MACC1: variants seen among roughly 807,000 people sequenced by gnomAD.
MACC1 encodes the protein MET transcriptional regulator MACC1.
A neutral mutation model predicts 70.7 loss-of-function variants in MACC1; 79 were observed. That is an observed-to-expected ratio of 1.12 (90% CI 0.93 to 1.35). The LOEUF is 1.35. MACC1 is among the 40% of genes most tolerant of loss of function. The probability of loss-of-function intolerance (pLI) is 0.00; values close to 1 mark genes in which losing one functional copy is unlikely to be tolerated. For synonymous variants in MACC1, 361 were observed against 347.2 expected, an observed-to-expected ratio of 1.04 and a Z score of -0.44; for missense variants, 1,106 against 978.1, an observed-to-expected ratio of 1.13 and a Z score of -1.74.
chr7:20,177,540 GTTTCTC>G (rs956731125), intron 1 of MACC1, among the ~76,000 whole-genome samples: 1 of 151,818 alleles, frequency 6.6e-6, no homozygotes, highest in African/African-American at 2.4e-5. Flanking sequence ...TTTCTCTGGT[GTTTCTC>G]TTTATCCCTA....
At chr7:20,160,288 G>A in intron 4 of MACC1, 43 bp from the exon 5 acceptor site, 6 of 1,498,960 alleles carry the variant, frequency 4.0e-6, no homozygotes, top group Non-Finnish European at 4.4e-6. Flanking sequence ...AGATAAGGTG[G>A]CACTGTGAGT....
intron 2 of MACC1, among the ~76,000 whole-genome samples, chr7:20,166,512 T>G (rs1313469730): frequency 6.6e-6 from 1 of 152,186 alleles, no homozygotes; most frequent in African/African-American, 2.4e-5. Flanking sequence ...TTTAATAGTA[T>G]ACACCATACA....
chr7:20,148,977 T>C (rs1358587336), intron 6 of MACC1, among the ~76,000 whole-genome samples: 1 of 152,190 alleles, frequency 6.6e-6, no homozygotes, highest in East Asian at 1.9e-4. Flanking sequence ...AGGCTAGAAC[T>C]GAACCAGGCC....
At chr7:20,152,360 A>T (rs1386272986) in intron 6 of MACC1, among the ~76,000 whole-genome samples, 3 of 152,116 alleles carry the variant, frequency 2.0e-5, no homozygotes, top group African/African-American at 4.8e-5. Flanking sequence ...GAAATCAACT[A>T]CTTGAATTGT....
chr7:20,140,936 C>G lies in MACC1; in HGVS notation c.*10G>C, dbSNP rs753246850. ...CATTTTCCCTCCCATCAAAAACACA[C>G]GCTTTGTTTCTATACTTCCTCAGAA... On this transcript the variant is annotated 3_prime_UTR_variant, in exon 7 of 7. Transcript: ENST00000400331. The G allele has an allele frequency of 6.2e-7, 1 of 1,602,788 alleles. No individual in the cohort carries two copies. The highest frequency in any genetic ancestry group is 1.3e-5 in the African/African-American group (1 of 74,586).
At chr7:20,153,364 A>C (rs1448481052) in intron 6 of MACC1, 1 of 152,248 alleles carries the variant, frequency 6.6e-6, no homozygotes, top group Non-Finnish European at 1.5e-5. Context: ...AAAGTGAAGA[A>C]TACAGCTTCT....
rs1781761639 is a variant in MACC1 at position 20,139,188 on chromosome 7, A to C, written c.*1758T>G. On this transcript the variant is annotated 3_prime_UTR_variant, in exon 7 of 7. Transcript: ENST00000400331. ...AAATTCTAGCAGCCTTAATGGCCCT[A>C]ATGTGGCTTCTTCTTGCTCCATCCT... is the stretch of plus-strand genomic sequence containing the variant. 1.3e-5 allele frequency: 2 copies of C among 152,130 alleles called. No individual in the cohort carries two copies. The highest frequency in any genetic ancestry group is 4.8e-5 in the African/African-American group (2 of 41,418). 9.4% of individuals were successfully genotyped at this position (152,130 alleles called of 1,614,324 possible).
Position 20,138,087 on chromosome 7 carries a change from A to T in MACC1, c.*2859T>A, listed in dbSNP as rs989557576. 7.7e-6 allele frequency: 1 copy of T among 130,088 alleles called. No homozygotes were observed. The highest frequency in any genetic ancestry group is 2.8e-5 in the African/African-American group (1 of 35,420). The allele number at this position is 130,088 out of a possible 1,614,324, so 8.1% of individuals were successfully genotyped here. On this transcript the variant is annotated 3_prime_UTR_variant, in exon 7 of 7. Coordinates refer to ENST00000400331, the MANE Select transcript of MACC1 (RefSeq NM_182762.4). ...AGGATCTTTTGAACCCAGGAGGTGGAGGTTGCAGTGAGTCAAGATTGAAAC... is the reference window on the plus strand; with the variant it reads ...AGGATCTTTTGAACCCAGGAGGTGGTGGTTGCAGTGAGTCAAGATTGAAAC...
chr7:20,143,647 G>A (rs532075200), intron 6 of MACC1, among the ~76,000 whole-genome samples: 2 of 151,746 alleles, frequency 1.3e-5, no homozygotes, highest in Non-Finnish European at 1.5e-5. Flanking sequence ...CCTCGGACTC[G>A]CAAAGTGCTG....
chr7:20,138,785 G>A lies in MACC1; in HGVS notation c.*2161C>T, dbSNP rs898493083. The A allele has an allele frequency of 1.3e-5, 2 of 151,568 alleles. No homozygotes were observed. Among genetic ancestry groups the A allele is most frequent in the Non-Finnish European group, 2.9e-5 (2 of 67,960 alleles). The allele number at this position is 151,568 out of a possible 1,614,324, so 9.4% of individuals were successfully genotyped here. A position where few individuals can be genotyped will look rare whatever the true frequency, so the allele number is the denominator to read the frequency against. The stretch of plus-strand genomic sequence containing the variant: ...CCTCCCGGGTTCACGCCATTCTCCT[G>A]CCTCAGCCTCCTGAGTAGCTGGGAC... On this transcript the variant is annotated 3_prime_UTR_variant, in exon 7 of 7. Transcript: ENST00000400331.
chr7:20,146,109 C>A (rs1274262432), intron 6 of MACC1, among the ~76,000 whole-genome samples: 6 of 137,796 alleles, frequency 4.4e-5, no homozygotes, highest in African/African-American at 1.7e-4. Context: ...TGCAGTGAGG[C>A]AAGATCATGC....
chr7:20,182,159 G>A (rs1208481559), intron 1 of MACC1, among the ~76,000 whole-genome samples: 1 of 144,632 alleles, frequency 6.9e-6, no homozygotes, highest in Non-Finnish European at 1.5e-5. Context: ...CATGGACACA[G>A]GAAGGGGAAC....
chr7:20,160,047 C>G lies in MACC1; in HGVS notation c.314G>C (p.Arg105Thr), dbSNP rs757000953. 59 of 1,610,428 alleles carry G rather than the reference C, an allele frequency of 3.7e-5. No individual in the cohort carries two copies. Among genetic ancestry groups the G allele is most frequent in the Non-Finnish European group, 4.9e-5 (58 of 1,178,918 alleles). The change falls in exon 5 of 7, where the codon AGA becomes ACA. Residue 105 changes from arginine to threonine, a missense_variant. Arg to Thr is a moderately conservative substitution (Grantham distance 71, BLOSUM62 -1). Transcript: ENST00000400331. The part of the protein sequence containing the change: ...ILKEDPFLFC[R>T]EIENGNSFDS... ...AAAAGAATTTCCATTTTCTATTTCT[C>G]TACAGAAAAGAAAAGGATCTTCCTT...
intron 1 of MACC1, among the ~76,000 whole-genome samples, chr7:20,191,949 C>T (rs537261270): frequency 5.9e-4 from 90 of 152,144 alleles, no homozygotes; most frequent in African/African-American, 2.1e-3. Flanking sequence ...AATTTGATAT[C>T]CGTTTTTTAT....
At chr7:20,206,845 G>A (rs1052617369) in intron 1 of MACC1, among the ~76,000 whole-genome samples, 1 of 152,154 alleles carries the variant, frequency 6.6e-6, no homozygotes, top group East Asian at 1.9e-4. Context: ...CACCCAGTTA[G>A]ATACCTGTGT....
intron 4 of MACC1, among the ~76,000 whole-genome samples, chr7:20,161,338 T>C (rs941689616): frequency 6.6e-6 from 1 of 152,082 alleles, no homozygotes; most frequent in Non-Finnish European, 1.5e-5. Flanking sequence ...AGACGGATTT[T>C]GAAAAATAAA....
chr7:20,209,687 G>A (rs760299111), intron 1 of MACC1, among the ~76,000 whole-genome samples: 3 of 152,156 alleles, frequency 2.0e-5, no homozygotes, highest in Non-Finnish European at 4.4e-5. Context: ...CTTTGGGGGG[G>A]ACTATTGGAA....
At chr7:20,167,556 T>C (rs1351220590) in intron 2 of MACC1, among the ~76,000 whole-genome samples, 1 of 151,218 alleles carries the variant, frequency 6.6e-6, no homozygotes, top group Non-Finnish European at 1.5e-5. Flanking sequence ...ATGCCCAAGA[T>C]TATAAAGCTA....
In MACC1 at chr7:20,158,711, A is replaced by G. The variant is rs1782092432; in HGVS notation, c.1650T>C (p.Phe550=). ...YPTFQDKTLN[F]SNYGVTLKAV... is the part of the protein sequence containing the mutation. ...CCTTCAGGGTTACCCCATAGTTGCT[A>G]AAGTTCAATGTTTTATCTTGAAATG... The change falls in exon 5 of 7, where the codon TTT becomes TTC. Residue 550 remains phenylalanine, a synonymous_variant. Transcript: ENST00000400331. The G allele has an allele frequency of 6.2e-7, 1 of 1,613,876 alleles. No homozygotes were observed. Among genetic ancestry groups the G allele is most frequent in the Admixed American group, 1.7e-5 (1 of 60,002 alleles).
Sources: allele counts gnomAD v4.1 joint callset (sites outside exome capture counted in the v4.1 genomes callset), GRCh38; gene constraint gnomAD v4.1.1; transcripts MANE v1.5; gene names NCBI Gene and HGNC (gene_info 2026-07-23, HGNC 2026-07-21).